Variants in NKAIN3 observed in about 807,000 individuals in gnomAD.
NKAIN3 encodes the protein sodium/potassium transporting ATPase interacting 3.
In NKAIN3, 25 loss-of-function variants were observed where a neutral mutation model predicts 30.2. The observed-to-expected ratio is 0.83, with a 90% CI of 0.60 to 1.16. The LOEUF is 1.16. Among genes scored for constraint, NKAIN3 ranks in the 50% most tolerant of loss-of-function variants. NKAIN3 has a pLI of 0.00. For missense variants in NKAIN3, 225 were observed against 254.1 expected (o/e 0.89, Z 0.78); for synonymous variants, 91 against 89.6 (o/e 1.02, Z -0.09).
At chr8:62,699,285 A>G (rs1045894917) in intron 3 of NKAIN3, among the ~76,000 whole-genome samples, 1 of 152,238 alleles carries the variant, frequency 6.6e-6, no homozygotes, top group African/African-American at 2.4e-5. Flanking sequence ...ATGCTGCATT[A>G]TTATAAAGCA....
Position 62,465,977 on chromosome 8 carries a change from G to A in NKAIN3, c.55-113562G>A, listed in dbSNP as rs559711566. Among the ~76,000 whole-genome samples, 358 of 151,844 alleles carry A rather than the reference G, an allele frequency of 2.4e-3. 2 individuals carry two copies. The highest frequency in any genetic ancestry group is 3.1e-3 in the Non-Finnish European group (210 of 67,948). On this transcript the variant is annotated intron_variant, in intron 1 of 6. Coordinates refer to ENST00000623646, the MANE Select transcript of NKAIN3 (RefSeq NM_001304533.3). ...GGCAGAGGTTTAGTGAGCCAAGATC[G>A]CGCACCACTGCACTCCAGCCTGGGG...
chr8:62,738,545 G>T (rs569530364), intron 3 of NKAIN3, among the ~76,000 whole-genome samples: 3 of 140,526 alleles, frequency 2.1e-5, no homozygotes, highest in East Asian at 4.2e-4. Flanking sequence ...GTTGCAGTGA[G>T]CCCAGTTCAT....
chr8:62,720,774 A>G (rs891699809), intron 3 of NKAIN3, among the ~76,000 whole-genome samples: 2 of 152,164 alleles, frequency 1.3e-5, no homozygotes, highest in Admixed American at 1.3e-4. Flanking sequence ...TTTGATCCTG[A>G]ACAAAGGAGA....
chr8:62,380,508 A>C (rs1237976615), intron 1 of NKAIN3, among the ~76,000 whole-genome samples: 2 of 152,198 alleles, frequency 1.3e-5, no homozygotes, highest in African/African-American at 4.8e-5. Flanking sequence ...AGTCTTAAGC[A>C]ATCAAGGCCC....
chr8:62,406,770 A>G (rs527614327), intron 1 of NKAIN3, among the ~76,000 whole-genome samples: 1 of 152,212 alleles, frequency 6.6e-6, no homozygotes, highest in South Asian at 2.1e-4. Flanking sequence ...CCTGTCTCTA[A>G]CTCTGCATCT....
At chr8:62,721,311 T>C (rs1449167178) in intron 3 of NKAIN3, among the ~76,000 whole-genome samples, 1 of 152,216 alleles carries the variant, frequency 6.6e-6, no homozygotes, top group Non-Finnish European at 1.5e-5. Flanking sequence ...TAAGGTATTA[T>C]CATACTGCTA....
intron 4 of NKAIN3, among the ~76,000 whole-genome samples, chr8:62,757,613 G>C (rs1274743385): frequency 1.3e-5 from 2 of 152,158 alleles, no homozygotes; most frequent in African/African-American, 4.8e-5. Flanking sequence ...ATAGAAAGAA[G>C]TAGTGTTCAG....
intron 3 of NKAIN3, among the ~76,000 whole-genome samples, chr8:62,671,205 C>T (rs1251485408): frequency 2.0e-5 from 3 of 152,094 alleles, no homozygotes; most frequent in African/African-American, 7.2e-5. Flanking sequence ...ACCTCTTATC[C>T]TACTTCCCTT....
chr8:62,959,016 T>A (rs992207058), intron 6 of NKAIN3, among the ~76,000 whole-genome samples: 1 of 152,220 alleles, frequency 6.6e-6, no homozygotes, highest in African/African-American at 2.4e-5. Flanking sequence ...CAAATCTTTT[T>A]CTAAGGCTTC....
In NKAIN3 at chr8:62,538,895, A is replaced by G. The variant is rs1808751453; in HGVS notation, c.55-40644A>G. ...AATGAAATATATAATGCCATTGCTT[A>G]CCACTTTATCCCCTTACCTTATTTC... On this transcript the variant is annotated intron_variant, in intron 1 of 6. Coordinates refer to ENST00000623646, the MANE Select transcript of NKAIN3 (RefSeq NM_001304533.3). Among the ~76,000 whole-genome samples, 15 of 152,196 alleles carry G rather than the reference A, an allele frequency of 9.9e-5. No homozygotes were observed. In the South Asian group the frequency reaches 3.1e-3, roughly 32 times the overall value.
intron 3 of NKAIN3, among the ~76,000 whole-genome samples, chr8:62,730,067 T>C (rs960450914): frequency 2.6e-5 from 4 of 152,228 alleles, no homozygotes; most frequent in Non-Finnish European, 5.9e-5. Flanking sequence ...TACCACAGCA[T>C]TGCTAATTTT....
At chr8:62,720,346 A>G (rs559699775) in intron 3 of NKAIN3, among the ~76,000 whole-genome samples, 4 of 152,310 alleles carry the variant, frequency 2.6e-5, no homozygotes, top group African/African-American at 7.2e-5. Flanking sequence ...ATAAATATGC[A>G]TTGTGTGTGG....
intron 1 of NKAIN3, among the ~76,000 whole-genome samples, chr8:62,370,572 A>G (rs1563368744): frequency 6.6e-6 from 1 of 151,960 alleles, no homozygotes; most frequent in African/African-American, 2.4e-5. Context: ...TACCTTGACC[A>G]TATTTATTTT....
At chr8:62,957,939 G>A (rs190546750) in intron 6 of NKAIN3, among the ~76,000 whole-genome samples, 13 of 152,262 alleles carry the variant, frequency 8.5e-5, no homozygotes, top group African/African-American at 2.6e-4. Context: ...AATGGAAAAG[G>A]CTGTGTGAGG....
chr8:62,881,573 A>G (rs1231771580), intron 4 of NKAIN3, among the ~76,000 whole-genome samples: 1 of 152,182 alleles, frequency 6.6e-6, no homozygotes, highest in Non-Finnish European at 1.5e-5. Flanking sequence ...TAGTCTTCGT[A>G]GCTAGTTTCT....
chr8:62,400,656 A>C (rs2129595196), intron 1 of NKAIN3, among the ~76,000 whole-genome samples: 1 of 151,852 alleles, frequency 6.6e-6, no homozygotes, highest in African/African-American at 2.4e-5. Flanking sequence ...TTCATCTTTG[A>C]AGGATAGTTT....
chr8:62,320,013 C>G (rs1390897574), intron 1 of NKAIN3, among the ~76,000 whole-genome samples: 1 of 152,044 alleles, frequency 6.6e-6, no homozygotes, highest in African/African-American at 2.4e-5. Flanking sequence ...AATCTGGGTG[C>G]TCCTGTATTG....
In NKAIN3 at chr8:62,918,459, G is replaced by A. The variant is rs1283371725; in HGVS notation, c.478G>A (p.Gly160Ser). Residue 160 changes from glycine to serine, a missense_variant, in exon 5 of 7, where the codon GGT (glycine) becomes AGT (serine). Physicochemically the swap from Gly to Ser is moderately conservative, Grantham distance 56. Transcript: ENST00000623646. ...CATTTTTTCCCTTTTGCAGTTGGTG[G>A]GTTTTGTGTATGCCTGTTATGTGAT... Reference protein sequence around the residue: ...SAVQILLSLVGFVYACYVISI... With the variant: ...SAVQILLSLVSFVYACYVISI... 6.2e-7 allele frequency: 1 copy of A among 1,612,510 alleles called. No homozygotes were observed. Among genetic ancestry groups the A allele is most frequent in the Admixed American group, 1.7e-5 (1 of 59,994 alleles).
intron 3 of NKAIN3, among the ~76,000 whole-genome samples, chr8:62,622,720 GCTTGTTTTTTCATCCT>G (rs1811655524): frequency 6.6e-6 from 1 of 151,808 alleles, no homozygotes; most frequent in Non-Finnish European, 1.5e-5. Flanking sequence ...CCAGTGTGTA[GCTTGTTTTTTCATCCT>G]CTTAACAGGG....
Sources: gnomAD v4.1 joint callset for allele counts (sites outside exome capture counted in the v4.1 genomes callset) on GRCh38, gnomAD v4.1.1 for gene constraint, MANE v1.5 for transcripts, NCBI Gene and HGNC (gene_info 2026-07-23, HGNC 2026-07-21) for gene names.